TBXAS1: variants seen among roughly 807,000 people sequenced by gnomAD.
TBXAS1 encodes the protein thromboxane-A synthase.
Under a neutral mutation model 60.7 loss-of-function variants are expected in TBXAS1, and 48 were observed. That is an observed-to-expected ratio of 0.79 (90% confidence interval 0.63 to 1.01). TBXAS1 has a LOEUF of 1.01. Among genes scored for constraint, TBXAS1 ranks in the 50% least tolerant of loss-of-function variants. The pLI is 0.00. For missense variants in TBXAS1, 685 were observed against 686.3 expected (o/e 1.00, Z 0.02); for synonymous variants, 287 against 269.7 (o/e 1.06, Z -0.63).
At chr7:139,926,785 C>T (rs1806915261) in intron 4 of TBXAS1, among the ~76,000 whole-genome samples, 1 of 151,898 alleles carries the variant, frequency 6.6e-6, no homozygotes, top group South Asian at 2.1e-4. Context: ...CTTCCTAGTA[C>T]TGCTTTTGCC....
chr7:139,805,630 C>T (rs1483360399), intron 4 of TBXAS1, among the ~76,000 whole-genome samples: 2 of 150,362 alleles, frequency 1.3e-5, no homozygotes, highest in African/African-American at 2.5e-5. Context: ...TCCTTCTTTC[C>T]TTCCCTCCCT....
intron 1 of TBXAS1, among the ~76,000 whole-genome samples, chr7:139,835,997 A>G (rs887395466): frequency 6.6e-6 from 1 of 151,940 alleles, no homozygotes; most frequent in Non-Finnish European, 1.5e-5. Context: ...CAAGCAGAGA[A>G]TCAAATCAAG....
intron 4 of TBXAS1, among the ~76,000 whole-genome samples, chr7:139,923,216 A>G (rs1331480974): frequency 6.6e-6 from 1 of 151,900 alleles, no homozygotes; most frequent in East Asian, 1.9e-4. Flanking sequence ...AGTCCCAGCT[A>G]CTCAGAAGGC....
chr7:139,995,745 AC>A (rs1196666060), intron 9 of TBXAS1, among the ~76,000 whole-genome samples: 1 of 151,778 alleles, frequency 6.6e-6, no homozygotes. Context: ...GCCTGGCTCC[AC>A]CCCCACAACT....
chr7:139,846,065 T>C (rs1304190132), intron 1 of TBXAS1, among the ~76,000 whole-genome samples: 1 of 152,050 alleles, frequency 6.6e-6, no homozygotes, highest in Non-Finnish European at 1.5e-5. Flanking sequence ...TAATAAAATA[T>C]TTTTTTCTTT....
At chr7:139,888,795 G>A (rs146286931) in intron 3 of TBXAS1, among the ~76,000 whole-genome samples, 1 of 152,148 alleles carries the variant, frequency 6.6e-6, no homozygotes, top group African/African-American at 2.4e-5. Context: ...GATGTTTGGG[G>A]CACAAGTAGA....
chr7:139,785,989 C>A (rs990643052), intron 3 of TBXAS1, among the ~76,000 whole-genome samples: 1 of 150,862 alleles, frequency 6.6e-6, no homozygotes, highest in African/African-American at 2.4e-5. Flanking sequence ...CCTTTATTCT[C>A]CCCAAAGCAT....
chr7:139,993,794 G>A (rs1350785742), intron 9 of TBXAS1, among the ~76,000 whole-genome samples: 1 of 152,004 alleles, frequency 6.6e-6, no homozygotes, highest in East Asian at 1.9e-4. Flanking sequence ...GCTTAGGCAA[G>A]TCACTTCACC....
At chr7:139,922,188 G>C (rs1319234529) in intron 4 of TBXAS1, among the ~76,000 whole-genome samples, 1 of 149,942 alleles carries the variant, frequency 6.7e-6, no homozygotes, top group Non-Finnish European at 1.5e-5. Flanking sequence ...TACAACCTCT[G>C]CCTCCTGGGT....
chr7:139,897,351 G>A lies in TBXAS1; in HGVS notation c.237-13874G>A, dbSNP rs556469452. On this transcript the variant is annotated intron_variant, in intron 3 of 12. Coordinates refer to ENST00000448866, the MANE Select transcript of TBXAS1 (RefSeq NM_001061.7). ...TGGCGGTGGGGTGGGGAGGGGGACC[G>A]GGGGCAGGCAGGCGGGGGGAATAAG... 8.2e-5 allele frequency among the ~76,000 whole-genome samples: 12 copies of A among 146,846 alleles called. No individual in the cohort carries two copies. In the South Asian group the frequency reaches 1.8e-3, roughly 21 times the overall value.
At chr7:140,002,185 C>T (rs1813721791) in intron 9 of TBXAS1, among the ~76,000 whole-genome samples, 1 of 152,220 alleles carries the variant, frequency 6.6e-6, no homozygotes, top group South Asian at 2.1e-4. Flanking sequence ...TTCGATAACA[C>T]TTTACACATC....
chr7:140,003,666 G>A (rs760215434), intron 9 of TBXAS1, among the ~76,000 whole-genome samples: 25 of 152,158 alleles, frequency 1.6e-4, no homozygotes, highest in Admixed American at 4.6e-4. Context: ...AAGCCATACA[G>A]TTTTCTTCGG....
chr7:139,871,688 G>A (rs1048587605), intron 1 of TBXAS1, among the ~76,000 whole-genome samples: 1 of 152,130 alleles, frequency 6.6e-6, no homozygotes, highest in Non-Finnish European at 1.5e-5. Flanking sequence ...TTTGGTGATA[G>A]GTCTTCTCCT....
intron 10 of TBXAS1, among the ~76,000 whole-genome samples, chr7:140,009,873 A>C (rs1178553513): frequency 2.1e-5 from 1 of 48,564 alleles, no homozygotes; most frequent in Admixed American, 2.5e-4. Context: ...CCTGCTCCAC[A>C]CCTCCATGCC....
chr7:139,849,374 A>C (rs6651090), intron 1 of TBXAS1, among the ~76,000 whole-genome samples: 9 of 147,796 alleles, frequency 6.1e-5, no homozygotes, highest in African/African-American at 1.0e-4. Context: ...TGTTCCCCCA[A>C]AAAAAACACA....
intron 3 of TBXAS1, among the ~76,000 whole-genome samples, chr7:139,906,511 A>G (rs989745389): frequency 9.9e-5 from 15 of 151,602 alleles, no homozygotes; most frequent in African/African-American, 3.6e-4. Context: ...TGCCAATACC[A>G]CACAGTCTTG....
intron 1 of TBXAS1, among the ~76,000 whole-genome samples, chr7:139,839,369 C>G (rs1799274728): frequency 6.6e-6 from 1 of 152,090 alleles, no homozygotes; most frequent in Non-Finnish European, 1.5e-5. Flanking sequence ...ATTATTTCTT[C>G]CAGTGGAGTA....
At chr7:139,935,222 T>C (rs189987280) in intron 4 of TBXAS1, among the ~76,000 whole-genome samples, 88 of 152,358 alleles carry the variant, frequency 5.8e-4, no homozygotes, top group Non-Finnish European at 4.4e-5. Context: ...TTGTGGATGC[T>C]TAAGTTTCTG....
chr7:139,878,241 AGAGAGAGAGAG>A (rs1310830878), intron 3 of TBXAS1, among the ~76,000 whole-genome samples: 1 of 152,036 alleles, frequency 6.6e-6, no homozygotes, highest in Admixed American at 6.6e-5. Context: ...AGGGGGAGAG[AGAGAGAGAGAG>A]GAGAGAGAGA....
Sources: allele counts gnomAD v4.1 joint callset (sites outside exome capture counted in the v4.1 genomes callset), GRCh38; gene constraint gnomAD v4.1.1; transcripts MANE v1.5; gene names NCBI Gene and HGNC (gene_info 2026-07-23, HGNC 2026-07-21).